Variants in STK39 observed in about 807,000 individuals in gnomAD.
STK39 encodes the protein STE20/SPS1-related proline-alanine-rich protein kinase.
A neutral mutation model predicts 77.8 loss-of-function variants in STK39; 20 were observed. The ratio of observed to expected loss-of-function variants is 0.26; its 90% CI spans 0.18 to 0.37. The LOEUF is 0.37. STK39 is among the 10% of genes least tolerant of loss of function. The pLI is 1.00. For missense variants in STK39, 479 were observed against 656.5 expected, an observed-to-expected ratio of 0.73 and a Z score of 2.95; for synonymous variants, 246 against 234.1, an observed-to-expected ratio of 1.05 and a Z score of -0.47.
intron 5 of STK39, among the ~76,000 whole-genome samples, chr2:168,151,682 T>C (rs575730176): frequency 6.8e-6 from 1 of 147,756 alleles, no homozygotes; most frequent in South Asian, 2.1e-4. Flanking sequence ...GAGGTTGCAG[T>C]GAGCCGAGAT....
intron 5 of STK39, among the ~76,000 whole-genome samples, chr2:168,152,562 A>T (rs1239189959): frequency 6.6e-6 from 1 of 152,216 alleles, no homozygotes; most frequent in Non-Finnish European, 1.5e-5. Context: ...CCTAATGGCA[A>T]GAAGCAAAAG....
chr2:168,241,622 G>A (rs1309413732), intron 1 of STK39, among the ~76,000 whole-genome samples: 5 of 152,160 alleles, frequency 3.3e-5, no homozygotes, highest in South Asian at 2.1e-4. Flanking sequence ...GTGGGAATAG[G>A]GAACAACCTC....
At chr2:168,112,919 G>T (rs12692875) in intron 10 of STK39, 56,691 of 151,994 alleles carry the variant, frequency 0.37, 11,425 homozygotes, top group South Asian at 0.47. Flanking sequence ...CCTACTCACC[G>T]TCCACCAGTG....
intron 10 of STK39, among the ~76,000 whole-genome samples, chr2:168,103,797 C>T (rs1398833863): frequency 6.6e-6 from 1 of 152,208 alleles, no homozygotes; most frequent in African/African-American, 2.4e-5. Context: ...ACTTTCTTCT[C>T]TTTCATAATT....
At chr2:168,205,467 AT>A (rs1230739172) in intron 1 of STK39, among the ~76,000 whole-genome samples, 1 of 152,186 alleles carries the variant, frequency 6.6e-6, no homozygotes, top group East Asian at 1.9e-4. Context: ...TCTTAAAAAA[AT>A]AAAATTTCTG....
chr2:168,137,419 A>G (rs3769408), intron 8 of STK39, among the ~76,000 whole-genome samples: 23,607 of 152,190 alleles, frequency 0.16, 1,955 homozygotes, highest in East Asian at 0.25. Flanking sequence ...AGTGGGCTCC[A>G]TGATCACTAA....
At chr2:168,036,000 G>A (rs182240870) in intron 14 of STK39, among the ~76,000 whole-genome samples, 1 of 152,246 alleles carries the variant, frequency 6.6e-6, no homozygotes, top group East Asian at 1.9e-4. Flanking sequence ...AAATTAACGG[G>A]TAAATAAATG....
chr2:168,237,903 C>G (rs1256449196), intron 1 of STK39, among the ~76,000 whole-genome samples: 1 of 152,140 alleles, frequency 6.6e-6, no homozygotes, highest in Non-Finnish European at 1.5e-5. Flanking sequence ...GCTCCTCTTC[C>G]TTTGCTTTCT....
intron 12 of STK39, 74 bp downstream of exon 12, chr2:168,074,908 C>T (rs1260037920): frequency 1.3e-6 from 2 of 1,554,290 alleles, no homozygotes; most frequent in Non-Finnish European, 8.7e-7. Flanking sequence ...AGCATCTCCC[C>T]TAAATGGATC....
intron 5 of STK39, among the ~76,000 whole-genome samples, chr2:168,160,863 G>A (rs1688552334): frequency 6.9e-6 from 1 of 144,988 alleles, no homozygotes; most frequent in South Asian, 2.3e-4. Flanking sequence ...GACAAGATAT[G>A]CACACACAAA....
chr2:168,233,838 G>C (rs953820013), intron 1 of STK39, among the ~76,000 whole-genome samples: 7 of 152,044 alleles, frequency 4.6e-5, no homozygotes, highest in African/African-American at 1.7e-4. Flanking sequence ...TCTTTTTTAA[G>C]ATATGACACA....
chr2:168,017,718 A>G (rs1574395662), intron 14 of STK39, among the ~76,000 whole-genome samples: 1 of 152,218 alleles, frequency 6.6e-6, no homozygotes, highest in Non-Finnish European at 1.5e-5. Context: ...TCTAAAATAA[A>G]TGGTATCCAT....
At chr2:168,224,466 A>G (rs377298053) in intron 1 of STK39, among the ~76,000 whole-genome samples, 72 of 152,132 alleles carry the variant, frequency 4.7e-4, no homozygotes, top group African/African-American at 1.5e-3. Flanking sequence ...TCATTATTGC[A>G]TGAAATGAAA....
intron 14 of STK39, 88 bp from the exon 15 acceptor site, chr2:168,017,183 T>A: frequency 1.2e-6 from 1 of 828,582 alleles, no homozygotes. Context: ...AAGATGCTAC[T>A]AACATGTGGA....
rs142078661 is a variant in STK39 at position 168,230,258 on chromosome 2, T to C, written c.208+16970A>G. 4.6e-5 allele frequency among the ~76,000 whole-genome samples: 7 copies of C among 152,308 alleles called. No homozygotes were observed. The East Asian group carries it at 1.4e-3, about 29-fold the overall frequency. ...TCCCTTTGAATTTGGGCTGGCCTTG[T>C]GATATGCTTTAACCCAAGGAATGTG... is the stretch of plus-strand genomic sequence containing the variant. On this transcript the variant is annotated intron_variant, in intron 1 of 17. Transcript: ENST00000355999.
At chr2:168,218,787 A>G (rs747201785) in intron 1 of STK39, among the ~76,000 whole-genome samples, 8 of 152,230 alleles carry the variant, frequency 5.3e-5, no homozygotes, top group Non-Finnish European at 1.0e-4. Flanking sequence ...GAAAGCCTCA[A>G]TTAAACACAG....
At chr2:167,974,178 A>G (rs978575874) in intron 16 of STK39, among the ~76,000 whole-genome samples, 19 of 152,192 alleles carry the variant, frequency 1.2e-4, no homozygotes, top group Admixed American at 1.0e-3. Context: ...GCAAAGAGAC[A>G]GACTGTTTGA....
At chr2:168,146,692 G>A (rs1334041549) in intron 5 of STK39, among the ~76,000 whole-genome samples, 1 of 152,198 alleles carries the variant, frequency 6.6e-6, no homozygotes, top group African/African-American at 2.4e-5. Flanking sequence ...ATTAACAGCT[G>A]TTGTTCCCTC....
chr2:167,976,774 A>G (rs936414189), intron 16 of STK39, among the ~76,000 whole-genome samples: 4 of 151,900 alleles, frequency 2.6e-5, no homozygotes, highest in African/African-American at 9.7e-5. Context: ...CTTCCTCCAA[A>G]CTGTCTTTGA....
Sources: allele counts gnomAD v4.1 joint callset (sites outside exome capture counted in the v4.1 genomes callset), GRCh38; gene constraint gnomAD v4.1.1; transcripts MANE v1.5; gene names NCBI Gene and HGNC (gene_info 2026-07-23, HGNC 2026-07-21).